The following PPARGC1A variants were observed in gnomAD, a reference collection of about 807,000 sequenced individuals.
PPARGC1A encodes the protein PPARG coactivator 1 alpha, also known as peroxisome proliferator-activated receptor gamma coactivator 1-alpha.
A neutral mutation model predicts 88.7 loss-of-function variants in PPARGC1A; 25 were observed. That is an observed-to-expected ratio of 0.28 (90% CI 0.21 to 0.39). The LOEUF is 0.39. Ranked by LOEUF, PPARGC1A falls within the 10% of genes least tolerant of loss-of-function variation. The pLI is 1.00. For missense variants in PPARGC1A, 880 were observed against 968.7 expected, an observed-to-expected ratio of 0.91 and a Z score of 1.22; for synonymous variants, 363 against 355.6, an observed-to-expected ratio of 1.02 and a Z score of -0.24.
chr4:24,192,916 AAG>A, the PPARGC1A span, among the ~76,000 whole-genome samples: 1 of 152,260 alleles, frequency 6.6e-6, no homozygotes, highest in Non-Finnish European at 1.5e-5. Flanking sequence ...TTATAAGAAA[AAG>A]AAATCTATTA....
the PPARGC1A span, among the ~76,000 whole-genome samples, chr4:24,133,632 A>G: frequency 6.6e-6 from 1 of 152,192 alleles, no homozygotes; most frequent in Non-Finnish European, 1.5e-5. Flanking sequence ...AGATAATTGT[A>G]CGTCCCTCCC....
rs1446510631 is a variant in PPARGC1A at position 23,824,349 on chromosome 4, G to A, written c.808C>T (p.Pro270Ser). Residue 270 changes from proline (P) to serine (S), a missense_variant, in exon 7 of 13, where the codon CCC becomes TCC. Coordinates refer to ENST00000264867, the MANE Select transcript of PPARGC1A (RefSeq NM_013261.5). ...TTGTTCTCAAATGGGGAACCCTTGGGGTCACTGGAAGATATGGCACATTTA... is the reference window on the plus strand; with the variant it reads ...TTGTTCTCAAATGGGGAACCCTTGGAGTCACTGGAAGATATGGCACATTTA... ...LPLTPESPND[P>S]KGSPFENKTI... The A allele has an allele frequency of 2.5e-6, 4 of 1,613,172 alleles. No individual in the cohort carries two copies. In the African/African-American group the frequency reaches 4.0e-5, roughly 16 times the overall value.
chr4:24,199,422 A>G, the PPARGC1A span, among the ~76,000 whole-genome samples: 1 of 152,204 alleles, frequency 6.6e-6, no homozygotes, highest in African/African-American at 2.4e-5. Context: ...AGATCTGTAC[A>G]GAGAACTATG....
chr4:24,254,219 G>A, the PPARGC1A span, among the ~76,000 whole-genome samples: 60,477 of 151,978 alleles, frequency 0.4, 12,673 homozygotes, highest in Non-Finnish European at 0.47. Context: ...TGTTACCTCA[G>A]TTATGCCTTG....
chr4:24,370,181 A>G, the PPARGC1A span, among the ~76,000 whole-genome samples: 2 of 152,190 alleles, frequency 1.3e-5, no homozygotes, highest in South Asian at 2.1e-4. Flanking sequence ...AGCAAGTGAT[A>G]CTGGTTTTCC....
At chr4:24,061,699 C>A in the PPARGC1A span, among the ~76,000 whole-genome samples, 1 of 152,200 alleles carries the variant, frequency 6.6e-6, no homozygotes, top group Non-Finnish European at 1.5e-5. Flanking sequence ...GGTATCCTAG[C>A]CTCTGTGGCC....
chr4:23,946,024 G>A, the PPARGC1A span, among the ~76,000 whole-genome samples: 2 of 152,012 alleles, frequency 1.3e-5, no homozygotes, highest in Non-Finnish European at 2.9e-5. Flanking sequence ...CTCCTCCCCA[G>A]GGCAGAATCC....
chr4:24,404,211 C>T, the PPARGC1A span, among the ~76,000 whole-genome samples: 180 of 151,878 alleles, frequency 1.2e-3, no homozygotes, highest in Middle Eastern at 3.4e-3. Flanking sequence ...TGCAGTGAGC[C>T]GAGATCGCGC....
chr4:24,324,945 C>T, the PPARGC1A span, among the ~76,000 whole-genome samples: 1 of 152,174 alleles, frequency 6.6e-6, no homozygotes, highest in Non-Finnish European at 1.5e-5. Context: ...CGCTCCTCCA[C>T]CCTGTAATCT....
intron 3 of PPARGC1A, among the ~76,000 whole-genome samples, chr4:23,829,923 A>G (rs1303842751): frequency 6.6e-6 from 1 of 152,240 alleles, no homozygotes; most frequent in African/African-American, 2.4e-5. Flanking sequence ...ATTTCCAGCC[A>G]TAAGGGATTA....
At chr4:24,153,005 C>T in the PPARGC1A span, among the ~76,000 whole-genome samples, 1 of 152,134 alleles carries the variant, frequency 6.6e-6, no homozygotes, top group East Asian at 1.9e-4. Flanking sequence ...TTGATGAATT[C>T]GTTAATTGTT....
At chr4:23,855,825 T>C (rs1022596827) in intron 2 of PPARGC1A, among the ~76,000 whole-genome samples, 5 of 151,852 alleles carry the variant, frequency 3.3e-5, no homozygotes, top group African/African-American at 9.7e-5. Flanking sequence ...TTGGGAGAAG[T>C]GATGTAGGAG....
the PPARGC1A span, among the ~76,000 whole-genome samples, chr4:23,934,388 G>A: frequency 6.6e-6 from 1 of 152,214 alleles, no homozygotes; most frequent in Non-Finnish European, 1.5e-5. Flanking sequence ...GGCAGCAACT[G>A]AAGTAGCCGT....
chr4:23,852,973 T>C (rs1729572737), intron 2 of PPARGC1A, among the ~76,000 whole-genome samples: 1 of 152,204 alleles, frequency 6.6e-6, no homozygotes, highest in South Asian at 2.1e-4. Flanking sequence ...GTTAACAGGA[T>C]GGTCTGCATG....
the PPARGC1A span, among the ~76,000 whole-genome samples, chr4:24,385,506 A>C: frequency 6.6e-6 from 1 of 152,186 alleles, no homozygotes; most frequent in Non-Finnish European, 1.5e-5. Flanking sequence ...CCAGACTAAT[A>C]AAGAAGAAAA....
the PPARGC1A span, among the ~76,000 whole-genome samples, chr4:24,434,813 A>G: frequency 3.3e-5 from 5 of 152,166 alleles, no homozygotes; most frequent in East Asian, 7.7e-4. Flanking sequence ...TGACAGGCCC[A>G]TGGAAACCTT....
the PPARGC1A span, among the ~76,000 whole-genome samples, chr4:24,163,462 G>T: frequency 6.6e-6 from 1 of 151,980 alleles, no homozygotes; most frequent in Non-Finnish European, 1.5e-5. Context: ...ATTAACAACA[G>T]TTGGCTGACA....
At chr4:24,310,776 CAATA>C in the PPARGC1A span, among the ~76,000 whole-genome samples, 4 of 152,130 alleles carry the variant, frequency 2.6e-5, no homozygotes, top group East Asian at 7.7e-4. Context: ...ATAAAATTCA[CAATA>C]TCTGAGATAC....
At chr4:23,935,446 CT>C in the PPARGC1A span, among the ~76,000 whole-genome samples, 3 of 152,130 alleles carry the variant, frequency 2.0e-5, no homozygotes, top group South Asian at 6.2e-4. Context: ...TTCACAGGTA[CT>C]TTTTTTCCTA....
Sources: gnomAD v4.1 joint callset for allele counts (sites outside exome capture counted in the v4.1 genomes callset) on GRCh38, gnomAD v4.1.1 for gene constraint, MANE v1.5 for transcripts, NCBI Gene and HGNC (gene_info 2026-07-23, HGNC 2026-07-21) for gene names.